Variants in RIMS2 observed in about 807,000 individuals in gnomAD.
The protein encoded by RIMS2 is regulating synaptic membrane exocytosis 2, also known as regulating synaptic membrane exocytosis protein 2.
In RIMS2, 59 loss-of-function variants were observed where a neutral mutation model predicts 174.4. The ratio of observed to expected loss-of-function variants is 0.34; its 90% CI spans 0.27 to 0.42. The LOEUF (loss-of-function observed/expected upper bound fraction) is 0.42, where lower values mean the gene tolerates loss of function less well. Among genes scored for constraint, RIMS2 ranks in the 10% least tolerant of loss-of-function variants. The probability of loss-of-function intolerance (pLI) is 1.00; values close to 1 mark genes in which losing one functional copy is unlikely to be tolerated. For missense variants in RIMS2, 1,620 were observed against 1,666.3 expected, an observed-to-expected ratio of 0.97 and a Z score of 0.48; for synonymous variants, 606 against 572.5, an observed-to-expected ratio of 1.06 and a Z score of -0.84.
rs964820068 is a variant in RIMS2 at position 103,611,899 on chromosome 8, C to G, written c.177-85187C>G. On this transcript the variant is annotated intron_variant, in intron 1 of 23. Transcript: ENST00000504942. The stretch of plus-strand genomic sequence containing the variant: ...CTCTTTCTCTACCTCTTCTTTAAGG[C>G]CAATGATTCTTAGATTTGCCCTTTT... 2.6e-5 allele frequency among the ~76,000 whole-genome samples: 4 copies of G among 151,920 alleles called. 1 individual carries two copies. Among genetic ancestry groups the G allele is most frequent in the African/African-American group, 9.7e-5 (4 of 41,374 alleles).
rs141753981 is a variant in RIMS2 at position 103,683,025 on chromosome 8, T to C, written c.177-14061T>C. On this transcript the variant is annotated intron_variant, in intron 1 of 23. Transcript: ENST00000504942. ...TGTGTGTGAGAAATGCGGCTTCCAC[T>C]TCCCTTGAGGCATAGTCATTATAGT... Among the ~76,000 whole-genome samples the C allele has an allele frequency of 6.2e-3, 940 of 152,336 alleles. 12 individuals are homozygous for C. Among genetic ancestry groups the C allele is most frequent in the African/African-American group, 0.021 (890 of 41,588 alleles).
chr8:103,878,977 A>G (rs750124690), intron 3 of RIMS2, among the ~76,000 whole-genome samples: 10 of 151,710 alleles, frequency 6.6e-5, no homozygotes, highest in Non-Finnish European at 8.9e-5. Flanking sequence ...AACCTTTTAG[A>G]TCCCAATTTG....
intron 19 of RIMS2, among the ~76,000 whole-genome samples, chr8:104,242,819 C>T (rs927866856): frequency 3.3e-5 from 5 of 152,232 alleles, no homozygotes; most frequent in Admixed American, 6.5e-5. Flanking sequence ...ATTGTCCCCT[C>T]TTAGTGCTAC....
At chr8:103,674,274 C>A (rs1188196403) in intron 1 of RIMS2, among the ~76,000 whole-genome samples, 1 of 152,172 alleles carries the variant, frequency 6.6e-6, no homozygotes, top group Non-Finnish European at 1.5e-5. Context: ...CTTCCAACAT[C>A]TGCCCATTAC....
At chr8:104,161,633 A>G (rs915442058) in intron 19 of RIMS2, among the ~76,000 whole-genome samples, 10 of 152,214 alleles carry the variant, frequency 6.6e-5, no homozygotes, top group African/African-American at 2.2e-4. Flanking sequence ...TCAGTTTCCT[A>G]TTGAGGCCGT....
chr8:103,600,731 A>G (rs2094695955), intron 1 of RIMS2, among the ~76,000 whole-genome samples: 1 of 152,210 alleles, frequency 6.6e-6, no homozygotes, highest in African/African-American at 2.4e-5. Context: ...GTGCTGAATC[A>G]TATGGTAGCT....
chr8:104,088,957 T>A (rs1185018277), intron 19 of RIMS2, among the ~76,000 whole-genome samples: 2 of 151,982 alleles, frequency 1.3e-5, no homozygotes, highest in African/African-American at 2.4e-5. Flanking sequence ...TAGGAACTCT[T>A]TAGAGTCTGG....
chr8:103,673,732 CTT>C (rs762032177), intron 1 of RIMS2, among the ~76,000 whole-genome samples: 1 of 152,204 alleles, frequency 6.6e-6, no homozygotes, highest in Admixed American at 6.5e-5. Flanking sequence ...TCTCCATTGT[CTT>C]GAATATTAGC....
chr8:104,015,441 A>G (rs200424379), intron 19 of RIMS2: 25 of 711,314 alleles, frequency 3.5e-5, no homozygotes, highest in African/African-American at 3.3e-4. Flanking sequence ...AGTCAAGGAG[A>G]TAGAACCTTA....
chr8:104,094,045 C>G (rs1025549306), intron 19 of RIMS2, among the ~76,000 whole-genome samples: 2 of 151,724 alleles, frequency 1.3e-5, no homozygotes, highest in African/African-American at 4.8e-5. Flanking sequence ...GGATGCTTTC[C>G]TATCCTCTTG....
intron 2 of RIMS2, among the ~76,000 whole-genome samples, chr8:103,713,195 A>T (rs1480547022): frequency 2.6e-5 from 4 of 151,970 alleles, no homozygotes; most frequent in African/African-American, 9.7e-5. Flanking sequence ...ATTTTTGTAT[A>T]TTTAGTACAG....
At chr8:103,872,843 C>T (rs2099118945) in intron 3 of RIMS2, among the ~76,000 whole-genome samples, 1 of 152,142 alleles carries the variant, frequency 6.6e-6, no homozygotes, top group South Asian at 2.1e-4. Flanking sequence ...ATTTGTCAGA[C>T]CAGGCACACT....
chr8:103,652,786 T>TATTTCAAGGACA, intron 1 of RIMS2, 76 bp downstream of exon 3: 1 of 907,906 alleles, frequency 1.1e-6, no homozygotes, highest in Non-Finnish European at 1.6e-6. Flanking sequence ...GTTAAAATAC[T>TATTTCAAGGACA]GTCCTTGAAA....
intron 1 of RIMS2, among the ~76,000 whole-genome samples, chr8:103,589,008 C>G (rs116874958): frequency 6.6e-6 from 1 of 151,722 alleles, no homozygotes; most frequent in East Asian, 1.9e-4. Flanking sequence ...GCAAACTACC[C>G]GTTTTCACCA....
chr8:104,098,786 A>G (rs1246379874), intron 19 of RIMS2, among the ~76,000 whole-genome samples: 1 of 152,186 alleles, frequency 6.6e-6, no homozygotes, highest in African/African-American at 2.4e-5. Context: ...CACTGCTGCT[A>G]ACATATTCTA....
chr8:104,205,662 A>G (rs528214217), intron 19 of RIMS2, among the ~76,000 whole-genome samples: 1 of 152,282 alleles, frequency 6.6e-6, no homozygotes, highest in South Asian at 2.1e-4. Context: ...TAAGAATACA[A>G]ATTTCCTGAT....
At chr8:104,195,220 G>C (rs535382925) in intron 19 of RIMS2, among the ~76,000 whole-genome samples, 1 of 152,228 alleles carries the variant, frequency 6.6e-6, no homozygotes, top group African/African-American at 2.4e-5. Context: ...ATATTTAGAA[G>C]GTATGAATTA....
At chr8:103,505,314 CATGT>C (rs1436918172) in intron 1 of RIMS2, among the ~76,000 whole-genome samples, 1 of 152,068 alleles carries the variant, frequency 6.6e-6, no homozygotes, top group Admixed American at 6.6e-5. Flanking sequence ...TGTGCTCATA[CATGT>C]ATGTATGGAT....
intron 19 of RIMS2, among the ~76,000 whole-genome samples, chr8:104,156,962 T>C (rs1600190416): frequency 6.6e-6 from 1 of 152,346 alleles, no homozygotes; most frequent in East Asian, 1.9e-4. Context: ...AATAGTATTA[T>C]CTTTTCACAT....
Sources: allele counts gnomAD v4.1 joint callset (sites outside exome capture counted in the v4.1 genomes callset), GRCh38; gene constraint gnomAD v4.1.1; transcripts MANE v1.5; gene names NCBI Gene and HGNC (gene_info 2026-07-23, HGNC 2026-07-21).